LRRC28: variants seen among roughly 807,000 people sequenced by gnomAD.
LRRC28 encodes the protein leucine-rich repeat-containing protein 28.
In LRRC28, 39 loss-of-function variants were observed where a neutral mutation model predicts 45.7. The ratio of observed to expected loss-of-function variants is 0.85; its 90% CI spans 0.66 to 1.12. The LOEUF (loss-of-function observed/expected upper bound fraction) is 1.12. Ranked by LOEUF, LRRC28 falls within the 50% of genes most tolerant of loss-of-function variation. The probability of loss-of-function intolerance (pLI) is 0.00; values close to 1 mark genes in which losing one functional copy is unlikely to be tolerated. For missense variants in LRRC28, 435 were observed against 438.5 expected, an observed-to-expected ratio of 0.99 and a Z score of 0.07; for synonymous variants, 206 against 178.8, an observed-to-expected ratio of 1.15 and a Z score of -1.22.
chr15:99,298,757 G>A lies in LRRC28; in HGVS notation c.385+10806G>A, dbSNP rs147879416. 4.8e-3 allele frequency among the ~76,000 whole-genome samples: 727 copies of A among 152,310 alleles called. 3 individuals carry two copies. Among genetic ancestry groups the A allele is most frequent in the Non-Finnish European group, 6.3e-3 (427 of 68,024 alleles). ...GGAGTCTCGCTCTGTTGCGCAGGCTGGAGTGCAGTGGTGCAATTTTGGCTC... is the reference window on the plus strand; with the variant it reads ...GGAGTCTCGCTCTGTTGCGCAGGCTAGAGTGCAGTGGTGCAATTTTGGCTC... On this transcript the variant is annotated intron_variant, in intron 5 of 9. Transcript: ENST00000301981.
intron 3 of LRRC28, 84 bp from the exon 4 acceptor site, chr15:99,287,173 A>C: frequency 8.3e-7 from 1 of 1,201,262 alleles, no homozygotes; most frequent in Non-Finnish European, 1.2e-6. Context: ...TATTTGATAA[A>C]TTTCTAAGTG....
chr15:99,383,566 G>C (rs557936833), intron 9 of LRRC28, among the ~76,000 whole-genome samples: 1 of 152,272 alleles, frequency 6.6e-6, no homozygotes, highest in Non-Finnish European at 1.5e-5. Flanking sequence ...GGCAGTTCTG[G>C]ATACAACTCT....
intron 9 of LRRC28, among the ~76,000 whole-genome samples, chr15:99,382,181 A>G (rs936385190): frequency 3.3e-5 from 5 of 152,164 alleles, no homozygotes; most frequent in Admixed American, 6.5e-5. Flanking sequence ...GGCTCCACCC[A>G]GTTCGAGCTT....
chr15:99,329,695 T>A (rs8034659), intron 5 of LRRC28, among the ~76,000 whole-genome samples: 16,713 of 152,272 alleles, frequency 0.11, 1,023 homozygotes, highest in African/African-American at 0.17. Context: ...TTTCTTGAGA[T>A]CTTCGCTCTT....
intron 5 of LRRC28, among the ~76,000 whole-genome samples, chr15:99,297,794 CT>C (rs1337590788): frequency 6.6e-6 from 1 of 151,576 alleles, no homozygotes; most frequent in African/African-American, 2.4e-5. Context: ...ATTGTAAAAT[CT>C]TTTTACAAAT....
chr15:99,350,738 C>T (rs1372243386), intron 6 of LRRC28, among the ~76,000 whole-genome samples: 2 of 152,168 alleles, frequency 1.3e-5, no homozygotes, highest in Non-Finnish European at 2.9e-5. Context: ...AGCCTATCTT[C>T]TATGTTTGTA....
chr15:99,352,724 C>T (rs146927523), intron 7 of LRRC28, among the ~76,000 whole-genome samples: 2 of 152,222 alleles, frequency 1.3e-5, no homozygotes, highest in African/African-American at 4.8e-5. Context: ...CCCACACACC[C>T]CAGCTTTATT....
At chr15:99,254,406 G>A (rs1567417) in intron 1 of LRRC28, among the ~76,000 whole-genome samples, 62,800 of 151,980 alleles carry the variant, frequency 0.41, 13,148 homozygotes, top group Middle Eastern at 0.6. Context: ...CATGTTTATT[G>A]AAAGCTTATG....
At chr15:99,284,191 A>G (rs2081892409) in intron 3 of LRRC28, among the ~76,000 whole-genome samples, 1 of 152,166 alleles carries the variant, frequency 6.6e-6, no homozygotes, top group Admixed American at 6.5e-5. Context: ...TTGAGTTGAG[A>G]TGGTGTTTCA....
At chr15:99,330,622 A>G (rs956783002) in intron 5 of LRRC28, among the ~76,000 whole-genome samples, 2 of 152,090 alleles carry the variant, frequency 1.3e-5, no homozygotes, top group South Asian at 2.1e-4. Flanking sequence ...CTTTGAATCT[A>G]AAGTGTATTT....
chr15:99,334,246 C>G, intron 6 of LRRC28, 117 bp downstream of exon 6: 2 of 1,200,820 alleles, frequency 1.7e-6, no homozygotes, highest in Middle Eastern at 2.0e-4. Context: ...GATTGCTTCT[C>G]TAAGTTTGTT....
intron 7 of LRRC28, 35 bp downstream of exon 7, chr15:99,352,506 G>C (rs1434133497): frequency 6.6e-7 from 1 of 1,516,962 alleles, no homozygotes; most frequent in Non-Finnish European, 9.1e-7. Flanking sequence ...CTAAAAAATA[G>C]ATTAACTACT....
intron 6 of LRRC28, among the ~76,000 whole-genome samples, chr15:99,348,736 T>G (rs987356643): frequency 1.2e-4 from 18 of 148,268 alleles, no homozygotes; most frequent in South Asian, 2.1e-4. Flanking sequence ...GCTATTTGGG[T>G]TTTTTTTGTT....
intron 3 of LRRC28, chr15:99,285,600 T>A: frequency 1.4e-6 from 1 of 693,116 alleles, no homozygotes; most frequent in Non-Finnish European, 2.6e-6. Flanking sequence ...GGAGAGACTT[T>A]AACGATGCTT....
chr15:99,254,677 C>T (rs2080964639), intron 1 of LRRC28, among the ~76,000 whole-genome samples: 2 of 152,148 alleles, frequency 1.3e-5, no homozygotes, highest in Admixed American at 6.5e-5. Flanking sequence ...TGCTTTTATC[C>T]CTTGTGAACG....
rs542582879 is a variant in LRRC28 at position 99,375,012 on chromosome 15, T to G, written c.1032-11018T>G. ...GGGAAAACACTCAGTGTTTCACTGT[T>G]AAGTATAATGTGTTAACTATAATAA... On this transcript the variant is annotated intron_variant, in intron 9 of 9. Coordinates refer to ENST00000301981, the MANE Select transcript of LRRC28 (RefSeq NM_144598.5). Among the ~76,000 whole-genome samples, 8 of 152,330 alleles carry G rather than the reference T, an allele frequency of 5.3e-5. No homozygotes were observed. In the East Asian group the frequency reaches 1.3e-3, roughly 26 times the overall value.
chr15:99,360,100 C>T (rs139403155), intron 7 of LRRC28, among the ~76,000 whole-genome samples: 4 of 152,304 alleles, frequency 2.6e-5, no homozygotes, highest in Non-Finnish European at 5.9e-5. Flanking sequence ...CAGTCTTCCC[C>T]GTGAATTAAA....
At chr15:99,341,190 A>G (rs1393463101) in intron 6 of LRRC28, among the ~76,000 whole-genome samples, 2 of 147,252 alleles carry the variant, frequency 1.4e-5, no homozygotes, top group Non-Finnish European at 3.0e-5. Context: ...TCCCGGGTTC[A>G]AGTGATTCTC....
At chr15:99,315,270 A>G (rs1337483601) in intron 5 of LRRC28, among the ~76,000 whole-genome samples, 2 of 151,650 alleles carry the variant, frequency 1.3e-5, no homozygotes, top group Non-Finnish European at 1.5e-5. Flanking sequence ...GTAACAGGAA[A>G]GTAAATTCAT....
Sources: gnomAD v4.1 joint callset for allele counts (sites outside exome capture counted in the v4.1 genomes callset) on GRCh38, gnomAD v4.1.1 for gene constraint, MANE v1.5 for transcripts, NCBI Gene and HGNC (gene_info 2026-07-23, HGNC 2026-07-21) for gene names.